ATRN: variants seen among roughly 807,000 people sequenced by gnomAD.
ATRN encodes the protein attractin, also known as attractin-2.
Under a neutral mutation model 178.7 loss-of-function variants are expected in ATRN, and 54 were observed. The observed-to-expected ratio is 0.30, with a 90% CI of 0.24 to 0.38. The LOEUF (loss-of-function observed/expected upper bound fraction) is 0.38. ATRN is among the 10% of genes least tolerant of loss of function. The pLI is 1.00. For missense variants in ATRN, 1,443 were observed against 1,815.1 expected (o/e 0.79, Z 3.73); for synonymous variants, 636 against 663.0 (o/e 0.96, Z 0.63).
At chr20:3,587,583 C>T (rs1437474770) in intron 18 of ATRN, among the ~76,000 whole-genome samples, 2 of 151,974 alleles carry the variant, frequency 1.3e-5, no homozygotes, top group Non-Finnish European at 2.9e-5. Flanking sequence ...GTGCAGTTGA[C>T]CAATGTTTCT....
chr20:3,544,783 C>G (rs2085674509), intron 3 of ATRN, among the ~76,000 whole-genome samples: 1 of 150,280 alleles, frequency 6.7e-6, no homozygotes, highest in African/African-American at 2.5e-5. Context: ...TATTATGGCT[C>G]TAGAGTCTTA....
rs239112 is a variant in ATRN, at chr20:3,495,308, T to A, written c.410+23791T>A. Among the ~76,000 whole-genome samples the A allele has an allele frequency of 7.9e-3, 1,206 of 152,278 alleles. 19 individuals are homozygous for A. Among genetic ancestry groups the A allele is most frequent in the African/African-American group, 0.027 (1,139 of 41,544 alleles). On this transcript the variant is annotated intron_variant, in intron 1 of 28. Coordinates refer to ENST00000262919, the MANE Select transcript of ATRN (RefSeq NM_139321.3). ...TCATATATGGAAAGTTTGTTATTGG[T>A]TTGGTGTATTAGAATCATTTGTGGA...
intron 2 of ATRN, among the ~76,000 whole-genome samples, chr20:3,538,519 G>A (rs1469439398): frequency 6.6e-6 from 1 of 152,154 alleles, no homozygotes; most frequent in African/African-American, 2.4e-5. Flanking sequence ...TGTCCTATCA[G>A]TTCATTGCCA....
At chr20:3,646,101 T>TA (rs1284182699) in intron 28 of ATRN, among the ~76,000 whole-genome samples, 1 of 152,204 alleles carries the variant, frequency 6.6e-6, no homozygotes. Context: ...TTCTTCACAC[T>TA]AGCCCTGTAC....
At chr20:3,532,456 T>A (rs2146174091) in intron 1 of ATRN, among the ~76,000 whole-genome samples, 1 of 152,334 alleles carries the variant, frequency 6.6e-6, no homozygotes, top group East Asian at 1.9e-4. Flanking sequence ...TGTTCAGGCA[T>A]AGCACAGGCG....
In ATRN at chr20:3,604,135, T is replaced by C; in HGVS notation, c.3674T>C (p.Val1225Ala). Residue 1225 changes from valine (V) to alanine (A), a missense_variant, in exon 24 of 29, where the codon GTT becomes GCT. Coordinates refer to ENST00000262919, the MANE Select transcript of ATRN (RefSeq NM_139321.3). ...ACCCAGGCTGGAGAAGAGATGCCTG[T>C]TGTTTCAAAAACCAACATTAAGGAG... Reference protein sequence around the residue: ...AGTQAGEEMPVVSKTNIKEYK... With the variant: ...AGTQAGEEMPAVSKTNIKEYK... 6.3e-7 allele frequency: 1 copy of C among 1,597,676 alleles called. No homozygotes were observed. The highest frequency in any genetic ancestry group is 8.5e-7 in the Non-Finnish European group (1 of 1,175,826).
intron 1 of ATRN, among the ~76,000 whole-genome samples, chr20:3,513,679 A>C (rs1183250275): frequency 6.6e-6 from 1 of 152,026 alleles, no homozygotes; most frequent in Non-Finnish European, 1.5e-5. Flanking sequence ...GATGGTATTG[A>C]ATCTATAAAT....
At chr20:3,637,938 T>C (rs2087037981) in intron 26 of ATRN, among the ~76,000 whole-genome samples, 1 of 152,188 alleles carries the variant, frequency 6.6e-6, no homozygotes, top group African/African-American at 2.4e-5. Context: ...TTTCAGTTCC[T>C]ATCTGCCGTA....
rs905159637 is a variant in ATRN, at chr20:3,632,051, A to G, written c.3864-2260A>G. 1.3e-5 allele frequency among the ~76,000 whole-genome samples: 2 copies of G among 152,066 alleles called. No homozygotes were observed. Among genetic ancestry groups the G allele is most frequent in the Non-Finnish European group, 2.9e-5 (2 of 68,020 alleles). On this transcript the variant is annotated intron_variant, in intron 25 of 28. Transcript: ENST00000262919. This position sits in a 1 kb window ranked among gnomAD's most constrained non-coding sequence, Gnocchi z 4.2. ...TACCATATATATCCTTATGCCTTCC[A>G]AATGCCATGCCCAGCCCAGACCTGG...
intron 1 of ATRN, among the ~76,000 whole-genome samples, chr20:3,529,264 TG>T (rs1404018806): frequency 6.6e-6 from 1 of 152,212 alleles, no homozygotes; most frequent in Non-Finnish European, 1.5e-5. Flanking sequence ...CTTGAAAATG[TG>T]ATTGTAAGGT....
At chr20:3,590,312 G>A (rs2086422285) in intron 18 of ATRN, among the ~76,000 whole-genome samples, 1 of 152,188 alleles carries the variant, frequency 6.6e-6, no homozygotes, top group South Asian at 2.1e-4. Flanking sequence ...ACAAGGCTAT[G>A]GAAGGTTGCC....
At chr20:3,523,051 G>A (rs1297810682) in intron 1 of ATRN, among the ~76,000 whole-genome samples, 2 of 152,012 alleles carry the variant, frequency 1.3e-5, no homozygotes, top group African/African-American at 2.4e-5. Context: ...AACAAAACTG[G>A]ATGGAGAATG....
chr20:3,619,979 A>G (rs2252335), intron 24 of ATRN, among the ~76,000 whole-genome samples: 69,827 of 151,794 alleles, frequency 0.46, 17,783 homozygotes, highest in African/African-American at 0.69. Flanking sequence ...TTCAGAATGC[A>G]AAACCTCCCC....
chr20:3,486,733 A>AT (rs1356629665), intron 1 of ATRN, among the ~76,000 whole-genome samples: 4 of 151,740 alleles, frequency 2.6e-5, no homozygotes, highest in African/African-American at 9.7e-5. Flanking sequence ...TATCTCTGTT[A>AT]TTTTTTTCTT....
rs140284990 is a variant in ATRN, at chr20:3,562,972, T to C, written c.1632-237T>C. On this transcript the variant is annotated intron_variant, in intron 9 of 28. Transcript: ENST00000262919. ...GATTTCTGCCCAGAAACTGGAATTA[T>C]ATAGCTACGGGGTATGAAGAGTTTA... Among the ~76,000 whole-genome samples, 38 of 152,330 alleles carry C rather than the reference T, an allele frequency of 2.5e-4. No homozygotes were observed. In the East Asian group the frequency reaches 6.2e-3, roughly 25 times the overall value.
chr20:3,644,458 G>A (rs377034757), intron 28 of ATRN, among the ~76,000 whole-genome samples, 190 bp downstream of exon 28: 4 of 152,180 alleles, frequency 2.6e-5, no homozygotes, highest in Admixed American at 6.5e-5. Context: ...CGAGGTCATC[G>A]TCCCTTCCTG....
intron 10 of ATRN, among the ~76,000 whole-genome samples, chr20:3,563,834 T>C (rs1286640532): frequency 2.0e-5 from 3 of 152,254 alleles, no homozygotes; most frequent in Admixed American, 2.0e-4. Context: ...AATTGTCAGA[T>C]GTTCATTTTA....
chr20:3,612,094 A>G (rs2086775152), intron 24 of ATRN, among the ~76,000 whole-genome samples: 1 of 152,226 alleles, frequency 6.6e-6, no homozygotes, highest in Admixed American at 6.5e-5. Context: ...ATAATAGCCC[A>G]AAACTGGAAA....
rs2086219096 is a variant in ATRN at position 3,576,850 on chromosome 20, G to A, written c.2215-9G>A. The stretch of plus-strand genomic sequence containing the variant: ...TACAAAAGAAAAGCTTTTGTCCACT[G>A]TGTTCTAGATCTCCATTTTTAGGTA... On this transcript the variant is annotated splice_polypyrimidine_tract_variant and intron_variant, in intron 13 of 28. Coordinates refer to ENST00000262919, the MANE Select transcript of ATRN (RefSeq NM_139321.3). 6.2e-7 allele frequency: 1 copy of A among 1,613,452 alleles called. No homozygotes were observed. Among genetic ancestry groups the A allele is most frequent in the Non-Finnish European group, 8.5e-7 (1 of 1,179,660 alleles).
Sources: allele counts gnomAD v4.1 joint callset (sites outside exome capture counted in the v4.1 genomes callset), GRCh38; gene constraint gnomAD v4.1.1; non-coding constraint Gnocchi (gnomAD v3.1); transcripts MANE v1.5; gene names NCBI Gene and HGNC (gene_info 2026-07-23, HGNC 2026-07-21).